SLC39A11: variants seen among roughly 807,000 people sequenced by gnomAD.
The protein encoded by SLC39A11 is zinc transporter ZIP11.
In SLC39A11, 33 loss-of-function variants were observed where a neutral mutation model predicts 36.1. The observed-to-expected ratio is 0.91, with a 90% CI of 0.69 to 1.22. The LOEUF (loss-of-function observed/expected upper bound fraction) is 1.22, where lower values mean the gene tolerates loss of function less well. Ranked by LOEUF, SLC39A11 falls within the 50% of genes most tolerant of loss-of-function variation. SLC39A11 has a pLI of 0.00. For synonymous variants in SLC39A11, 166 were observed against 170.3 expected (o/e 0.97, Z 0.20); for missense variants, 432 against 430.3 (o/e 1.00, Z -0.03).
chr17:72,871,651 C>A (rs1234599475), intron 5 of SLC39A11, among the ~76,000 whole-genome samples: 1 of 152,136 alleles, frequency 6.6e-6, no homozygotes, highest in Non-Finnish European at 1.5e-5. Flanking sequence ...ATGTGGGGTG[C>A]TGGAAGGGTG....
Position 72,901,367 on chromosome 17 carries a change from T to A in SLC39A11, c.430+46385A>T, listed in dbSNP as rs780836925. ...TTAAATCCTAAGACAATTAGAGGCG[T>A]GGGTTGTGGGTGGAAGGCAGGGACT... is the stretch of plus-strand genomic sequence containing the variant. On this transcript the variant is annotated intron_variant, in intron 5 of 9. Transcript: ENST00000255559. 3.9e-5 allele frequency among the ~76,000 whole-genome samples: 6 copies of A among 152,160 alleles called. No homozygotes were observed. The East Asian group carries it at 1.2e-3, about 30-fold the overall frequency.
At chr17:72,934,416 A>T (rs554498398) in intron 5 of SLC39A11, among the ~76,000 whole-genome samples, 1 of 152,324 alleles carries the variant, frequency 6.6e-6, no homozygotes, top group Admixed American at 6.5e-5. Context: ...TTGTAGTTCC[A>T]GCACTTTGGG....
chr17:72,864,177 A>G (rs982214713), intron 5 of SLC39A11, among the ~76,000 whole-genome samples: 2 of 152,194 alleles, frequency 1.3e-5, no homozygotes, highest in African/African-American at 2.4e-5. Context: ...TATGACTACG[A>G]ATTACCTGGA....
At chr17:73,012,823 C>G (rs553811782) in intron 4 of SLC39A11, among the ~76,000 whole-genome samples, 1 of 151,910 alleles carries the variant, frequency 6.6e-6, no homozygotes, top group African/African-American at 2.4e-5. Flanking sequence ...TTTAGAGACA[C>G]AGTCTCACTC....
intron 6 of SLC39A11, among the ~76,000 whole-genome samples, chr17:72,762,630 ACT>A (rs1362358002): frequency 6.6e-6 from 1 of 152,008 alleles, no homozygotes; most frequent in African/African-American, 2.4e-5. Context: ...CTTTCACTTG[ACT>A]CTGTGACTCG....
intron 4 of SLC39A11, among the ~76,000 whole-genome samples, chr17:72,957,636 T>C (rs777477557): frequency 2.0e-5 from 3 of 152,190 alleles, no homozygotes; most frequent in Non-Finnish European, 4.4e-5. Context: ...CTGGCCAACA[T>C]GGCAAAATCC....
intron 6 of SLC39A11, among the ~76,000 whole-genome samples, chr17:72,777,802 G>A (rs1478768207): frequency 6.6e-6 from 1 of 152,092 alleles, no homozygotes; most frequent in African/African-American, 2.4e-5. Flanking sequence ...AATAAACATA[G>A]TAATGGAAGA....
In SLC39A11 at chr17:72,846,130, A is replaced by G. The variant is rs182812330; in HGVS notation, c.601+3504T>C. On this transcript the variant is annotated intron_variant, in intron 6 of 9. Transcript: ENST00000255559. ...CTGCAACCTCTGCCTCCTGGGTTCA[A>G]GTGATTCTCCTGCCTCAGCCTCCCA... Among the ~76,000 whole-genome samples the G allele has an allele frequency of 6.6e-3, 956 of 145,372 alleles. 15 individuals carry two copies. The highest frequency in any genetic ancestry group is 0.023 in the African/African-American group (912 of 38,836).
chr17:72,698,411 G>A (rs1598379299), intron 7 of SLC39A11, among the ~76,000 whole-genome samples: 2 of 148,194 alleles, frequency 1.3e-5, no homozygotes, highest in African/African-American at 2.5e-5. Context: ...GGTTTATTAT[G>A]GTATTCTCCT....
chr17:72,898,143 A>G (rs1338825552), intron 5 of SLC39A11, among the ~76,000 whole-genome samples: 1 of 152,190 alleles, frequency 6.6e-6, no homozygotes, highest in East Asian at 1.9e-4. Flanking sequence ...TGCATCTGGC[A>G]ATTTGGGGGC....
At chr17:72,807,290 G>A (rs2077288848) in intron 6 of SLC39A11, among the ~76,000 whole-genome samples, 1 of 152,140 alleles carries the variant, frequency 6.6e-6, no homozygotes, top group African/African-American at 2.4e-5. Flanking sequence ...AAAAGTCTAA[G>A]GAATTAGAGC....
chr17:72,808,805 G>T (rs183266776), intron 6 of SLC39A11, among the ~76,000 whole-genome samples: 1 of 151,632 alleles, frequency 6.6e-6, no homozygotes, highest in Non-Finnish European at 1.5e-5. Flanking sequence ...ACCCAGAGTC[G>T]GACTCAGCAC....
At chr17:72,690,370 G>T (rs916995050) in intron 7 of SLC39A11, among the ~76,000 whole-genome samples, 1 of 152,202 alleles carries the variant, frequency 6.6e-6, no homozygotes, top group Non-Finnish European at 1.5e-5. Context: ...TCCCCAAGGG[G>T]CTCCTGGCTC....
intron 3 of SLC39A11, among the ~76,000 whole-genome samples, chr17:73,039,119 T>G (rs918187257): frequency 1.3e-5 from 2 of 152,110 alleles, no homozygotes; most frequent in Non-Finnish European, 2.9e-5. Flanking sequence ...TGCAGCTCAG[T>G]TTTGTCACCT....
intron 7 of SLC39A11, among the ~76,000 whole-genome samples, chr17:72,718,293 C>A (rs2714036): frequency 0.16 from 23,703 of 151,846 alleles, 2,774 homozygotes; most frequent in African/African-American, 0.32. Context: ...AAAAAAATTA[C>A]CTGGGCATAG....
intron 4 of SLC39A11, among the ~76,000 whole-genome samples, chr17:73,019,355 A>G (rs2058268430): frequency 1.3e-5 from 2 of 152,242 alleles, no homozygotes; most frequent in Admixed American, 6.5e-5. Context: ...TGTTAAAGCA[A>G]ATATAGCAAT....
chr17:72,945,358 T>C (rs1172111469), intron 5 of SLC39A11, among the ~76,000 whole-genome samples: 1 of 152,222 alleles, frequency 6.6e-6, no homozygotes, highest in Admixed American at 6.5e-5. Flanking sequence ...ATATGATGTT[T>C]TAAAGGCTAA....
intron 5 of SLC39A11, among the ~76,000 whole-genome samples, chr17:72,886,830 AC>A (rs1462263464): frequency 6.6e-6 from 1 of 152,136 alleles, no homozygotes; most frequent in Non-Finnish European, 1.5e-5. Flanking sequence ...GCTCCCTGTG[AC>A]CCGGATGCTC....
chr17:73,041,996 C>G (rs1460579842), intron 3 of SLC39A11, among the ~76,000 whole-genome samples: 3 of 151,846 alleles, frequency 2.0e-5, no homozygotes, highest in African/African-American at 7.3e-5. Context: ...GTCAGAGGTA[C>G]CAGCATAGAA....
Sources: allele counts gnomAD v4.1 joint callset (sites outside exome capture counted in the v4.1 genomes callset), GRCh38; gene constraint gnomAD v4.1.1; transcripts MANE v1.5; gene names NCBI Gene and HGNC (gene_info 2026-07-23, HGNC 2026-07-21).